MPPED1: variants seen among roughly 807,000 people sequenced by gnomAD.
The protein encoded by MPPED1 is metallophosphoesterase domain-containing protein 1.
Under a neutral mutation model 36.2 loss-of-function variants are expected in MPPED1, and 16 were observed. The ratio of observed to expected loss-of-function variants is 0.44; its 90% CI spans 0.30 to 0.67. The LOEUF (loss-of-function observed/expected upper bound fraction) is 0.67. MPPED1 is among the 30% of genes least tolerant of loss of function. The probability of loss-of-function intolerance (pLI) is 0.10; values close to 1 mark genes in which losing one functional copy is unlikely to be tolerated. For missense variants in MPPED1, 307 were observed against 453.4 expected (o/e 0.68, Z 2.93); for synonymous variants, 199 against 191.3 (o/e 1.04, Z -0.33).
chr22:43,488,879 C>T (rs1931998182), intron 4 of MPPED1, among the ~76,000 whole-genome samples: 1 of 152,266 alleles, frequency 6.6e-6, no homozygotes, highest in South Asian at 2.1e-4. Flanking sequence ...GGGGCTGGCA[C>T]TGGGGATCCT....
chr22:43,432,381 G>A (rs1465989589), intron 2 of MPPED1, among the ~76,000 whole-genome samples: 4 of 120,526 alleles, frequency 3.3e-5, no homozygotes, highest in African/African-American at 1.5e-4. Flanking sequence ...GAGAAAGGGA[G>A]GAGAGAGAGA....
chr22:43,449,178 CG>C (rs927629258), intron 3 of MPPED1, among the ~76,000 whole-genome samples: 1 of 152,132 alleles, frequency 6.6e-6, no homozygotes, highest in African/African-American at 2.4e-5. Flanking sequence ...CCAAGTCACA[CG>C]GGGGCTTAAC....
At chr22:43,453,652 T>A (rs1180070115) in intron 3 of MPPED1, among the ~76,000 whole-genome samples, 1 of 152,180 alleles carries the variant, frequency 6.6e-6, no homozygotes, top group Non-Finnish European at 1.5e-5. Flanking sequence ...AAGATGAGAA[T>A]GATTGGCTTC....
In MPPED1 at chr22:43,504,599, G is replaced by A. The variant is rs111213344; in HGVS notation, c.863-899G>A. On this transcript the variant is annotated intron_variant, in intron 6 of 6. Transcript: ENST00000443721. ...GATGATGATGTTGATGGTGATGGTG[G>A]CGGTATGTTGGTGACGTTGATGGCA... is the stretch of plus-strand genomic sequence containing the variant. Among the ~76,000 whole-genome samples the A allele has an allele frequency of 7.4e-3, 1,119 of 151,806 alleles. 7 individuals carry two copies. The highest frequency in any genetic ancestry group is 0.026 in the African/African-American group (1,064 of 41,374).
Position 43,500,262 on chromosome 22 carries a change from A to AGG in MPPED1, c.748+1912_748+1913insGG, listed in dbSNP as rs1932657498. ...GGAGGTGGCAGTGATGATGGTGGTG[A>AGG]TGGTGATGGAGGTGGCGGTGGTGAT... On this transcript the variant is annotated intron_variant, in intron 5 of 6. Transcript: ENST00000443721. Among the ~76,000 whole-genome samples, 4 of 19,524 alleles carry AGG rather than the reference A, an allele frequency of 2.0e-4. 1 individual carries two copies. Among genetic ancestry groups the AGG allele is most frequent in the African/African-American group, 1.1e-3 (4 of 3,542 alleles). 12.8% of individuals were successfully genotyped at this position (19,524 alleles called of 152,430 possible).
At chr22:43,499,771 TGATGGTGGA>T (rs1932586215) in intron 5 of MPPED1, among the ~76,000 whole-genome samples, 1 of 45,864 alleles carries the variant, frequency 2.2e-5, no homozygotes, top group African/African-American at 1.1e-4. Context: ...GTGGCGGTGG[TGATGGTGGA>T]GGTGGTGGTG....
In MPPED1 at chr22:43,505,597, C is replaced by A; in HGVS notation, c.962C>A (p.Pro321His). The change falls in exon 7 of 7, where the codon CCC becomes CAC. Residue 321 changes from proline to histidine, a missense_variant. Pro to His is a moderately conservative substitution (Grantham distance 77, BLOSUM62 -2). Coordinates refer to ENST00000443721, the MANE Select transcript of MPPED1 (RefSeq NM_001044370.2). ...AACCCGCCCATAGTCATCGACCTCC[C>A]CACACCCCGGAACTCCTGACTGCTC... ...PVNPPIVIDL[P>H]TPRNS 1 of 1,611,296 alleles carries A rather than the reference C, an allele frequency of 6.2e-7. No individual in the cohort carries two copies.
At chr22:43,446,819 G>C (rs1294450957) in intron 3 of MPPED1, among the ~76,000 whole-genome samples, 1 of 152,176 alleles carries the variant, frequency 6.6e-6, no homozygotes, top group Non-Finnish European at 1.5e-5. Flanking sequence ...ACAAACATTT[G>C]TGGCACCTCT....
At chr22:43,431,760 C>T (rs535321688) in intron 2 of MPPED1, among the ~76,000 whole-genome samples, 7 of 152,176 alleles carry the variant, frequency 4.6e-5, no homozygotes, top group African/African-American at 9.7e-5. Context: ...GCTCTTGATG[C>T]GTGGGGATCA....
chr22:43,495,066 G>C (rs1318813670), intron 4 of MPPED1, among the ~76,000 whole-genome samples: 1 of 152,028 alleles, frequency 6.6e-6, no homozygotes, highest in Non-Finnish European at 1.5e-5. Context: ...TATTAATTTT[G>C]GGGGGATGCA....
intron 3 of MPPED1, among the ~76,000 whole-genome samples, chr22:43,439,039 T>A (rs1310271382): frequency 6.6e-6 from 1 of 152,178 alleles, no homozygotes; most frequent in Non-Finnish European, 1.5e-5. Flanking sequence ...GGAAGAGATT[T>A]AAAAAATTAA....
intron 2 of MPPED1, among the ~76,000 whole-genome samples, chr22:43,433,724 A>G (rs1293533831): frequency 1.3e-5 from 2 of 151,766 alleles, no homozygotes; most frequent in African/African-American, 4.8e-5. Context: ...CGTCTCTCGT[A>G]AGGTGTTAAT....
At chr22:43,464,867 C>T (rs1432501567) in intron 3 of MPPED1, among the ~76,000 whole-genome samples, 1 of 152,214 alleles carries the variant, frequency 6.6e-6, no homozygotes, top group Non-Finnish European at 1.5e-5. Flanking sequence ...CAGGCCATGC[C>T]TTTTCCTTCC....
At chr22:43,435,853 T>A (rs1341665287) in intron 3 of MPPED1, among the ~76,000 whole-genome samples, 1 of 152,110 alleles carries the variant, frequency 6.6e-6, no homozygotes, top group African/African-American at 2.4e-5. Flanking sequence ...TGAGACTCTG[T>A]CTCAAAAGAA....
At chr22:43,464,483 G>A (rs994708366) in intron 3 of MPPED1, among the ~76,000 whole-genome samples, 2 of 152,136 alleles carry the variant, frequency 1.3e-5, no homozygotes, top group Admixed American at 1.3e-4. Flanking sequence ...AGCTAAGTGG[G>A]TCTGGAGGCT....
At chr22:43,471,794 C>T (rs1569080851) in intron 3 of MPPED1, among the ~76,000 whole-genome samples, 1 of 152,226 alleles carries the variant, frequency 6.6e-6, no homozygotes, top group Non-Finnish European at 1.5e-5. Flanking sequence ...CTGGGGGAAG[C>T]AAACACGCCT....
chr22:43,460,149 G>A (rs902584788), intron 3 of MPPED1, among the ~76,000 whole-genome samples: 2 of 151,984 alleles, frequency 1.3e-5, no homozygotes, highest in Non-Finnish European at 2.9e-5. Flanking sequence ...GGAGGTTGCA[G>A]TGAGCCAAGA....
intron 2 of MPPED1, among the ~76,000 whole-genome samples, chr22:43,434,724 G>A (rs891240238): frequency 6.6e-6 from 1 of 152,242 alleles, no homozygotes; most frequent in Non-Finnish European, 1.5e-5. Flanking sequence ...AGCTCGGAGG[G>A]CAGATGCTCA....
rs200099326 is a variant in MPPED1 at position 43,474,930 on chromosome 22, G to T, written c.601G>T (p.Val201Leu). The change falls in exon 4 of 7, where the codon GTG becomes TTG. Residue 201 changes from valine to leucine, a missense_variant. Val to Leu is a conservative substitution (Grantham distance 32). Around this residue, in one of 3 missense-constraint regions of MPPED1, gnomAD observed 132 missense variants for 212.3 expected, o/e 0.62. Transcript: ENST00000443721. The surrounding 1 kb of genome is among the most constrained non-coding windows in gnomAD (Gnocchi z 5.2). ...CIYLQDSEVT[V>L]RGFRIYGSPW... ...CTACCTTCAGGACTCGGAGGTCACC[G>T]TGCGGGGCTTCCGGATCTATGGCTC... 6.2e-7 allele frequency: 1 copy of T among 1,613,984 alleles called. No individual in the cohort carries two copies. Among genetic ancestry groups the T allele is most frequent in the East Asian group, 2.2e-5 (1 of 44,886 alleles).
Sources: allele counts gnomAD v4.1 joint callset (sites outside exome capture counted in the v4.1 genomes callset), GRCh38; gene constraint gnomAD v4.1.1; regional missense constraint gnomAD v4.1.1; non-coding constraint Gnocchi (gnomAD v3.1); transcripts MANE v1.5; gene names NCBI Gene and HGNC (gene_info 2026-07-23, HGNC 2026-07-21).